DNAH9: variants seen among roughly 807,000 people sequenced by gnomAD.
The protein encoded by DNAH9 is dynein axonemal heavy chain 9, also known as DNAH9 variant protein.
DNAH9 carries 345 observed loss-of-function variants against 471.6 expected under a neutral mutation model. The ratio of observed to expected loss-of-function variants is 0.73; its 90% CI spans 0.67 to 0.80. The LOEUF is 0.80. Among genes scored for constraint, DNAH9 ranks in the 30% least tolerant of loss-of-function variants. The pLI is 0.00. For synonymous variants in DNAH9, 2,093 were observed against 2,123.6 expected, an observed-to-expected ratio of 0.99 and a Z score of 0.40; for missense variants, 5,407 against 5,609.2, an observed-to-expected ratio of 0.96 and a Z score of 1.15.
Position 11,884,922 on chromosome 17 carries a change from GT to G in DNAH9, c.10971+1182del, listed in dbSNP as rs112057545. Reference sequence around the variant, plus strand: ...ATCTCTTCTCCCCACCTCTTCATCTGTTTTTTTTTTATCTTTTTCTTTAAAA... The same window carrying G: ...ATCTCTTCTCCCCACCTCTTCATCTGTTTTTTTTTATCTTTTTCTTTAAAA... On this transcript the variant is annotated intron_variant, in intron 56 of 68. Transcript: ENST00000262442. Among the ~76,000 whole-genome samples, 1,263 of 148,978 alleles carry G rather than the reference GT, an allele frequency of 8.5e-3. 20 individuals are homozygous for G. Among genetic ancestry groups the G allele is most frequent in the African/African-American group, 0.029 (1,180 of 40,688 alleles).
chr17:11,727,738 A>G, intron 27 of DNAH9, 80 bp from the exon 28 acceptor site: 1 of 908,700 alleles, frequency 1.1e-6, no homozygotes, highest in East Asian at 2.5e-5. Context: ...TATCTATAAT[A>G]AAGGGGATGG....
At chr17:11,960,870 A>G (rs1976094399) in intron 67 of DNAH9, among the ~76,000 whole-genome samples, 2 of 152,176 alleles carry the variant, frequency 1.3e-5, no homozygotes, top group Admixed American at 6.5e-5. Context: ...AGGTGAGAAC[A>G]TCTTACATTT....
intron 59 of DNAH9, among the ~76,000 whole-genome samples, chr17:11,900,568 T>G (rs995849273): frequency 6.6e-6 from 1 of 151,522 alleles, no homozygotes; most frequent in Admixed American, 6.6e-5. Flanking sequence ...GAATTCTACA[T>G]ACCTACCAAG....
In DNAH9 at chr17:11,881,628, G is replaced by T. The variant is rs553865125; in HGVS notation, c.10806+215G>T. ...GAACAGAAGCAAAAACAGTTTGAAG[G>T]CCGGGCATGGTGGCTCATGCCTATA... On this transcript the variant is annotated intron_variant, in intron 55 of 68. Transcript: ENST00000262442. Among the ~76,000 whole-genome samples the T allele has an allele frequency of 2.0e-5, 3 of 152,282 alleles. No homozygotes were observed. The East Asian group carries it at 5.8e-4, about 29-fold the overall frequency.
chr17:11,663,982 G>C (rs2073821822), intron 14 of DNAH9, among the ~76,000 whole-genome samples: 1 of 152,174 alleles, frequency 6.6e-6, no homozygotes, highest in African/African-American at 2.4e-5. Context: ...TAAATCCAGG[G>C]AGATTTATAA....
At chr17:11,651,471 A>G in intron 13 of DNAH9, 147 bp downstream of exon 13, 1 of 793,108 alleles carries the variant, frequency 1.3e-6, no homozygotes. Context: ...CCAAGCAGAG[A>G]AGGCAAGAAG....
At position 11,929,846 on chromosome 17, in the gene DNAH9, G is replaced by A. The variant is rs767457926; in HGVS notation, c.11878-20G>A. On this transcript the variant is annotated intron_variant, in intron 62 of 68. Coordinates refer to ENST00000262442, the MANE Select transcript of DNAH9 (RefSeq NM_001372.4). ...TAAGCAGATGCCTGTATTGAGGGGG[G>A]GCTCCTTCCTTCCCACTAGAACATT... is the stretch of plus-strand genomic sequence containing the variant. 4 of 1,601,768 alleles carry A rather than the reference G, an allele frequency of 2.5e-6. No individual in the cohort carries two copies. Among genetic ancestry groups the A allele is most frequent in the Non-Finnish European group, 1.7e-6 (2 of 1,172,844 alleles).
intron 49 of DNAH9, among the ~76,000 whole-genome samples, chr17:11,847,063 G>A (rs1971250968): frequency 6.6e-6 from 1 of 152,030 alleles, no homozygotes; most frequent in African/African-American, 2.4e-5. Context: ...TTAATGAGGT[G>A]GTTTTTTTCT....
intron 30 of DNAH9, among the ~76,000 whole-genome samples, chr17:11,742,838 G>A (rs945567392): frequency 6.6e-6 from 1 of 152,146 alleles, no homozygotes; most frequent in African/African-American, 2.4e-5. Context: ...AGCTTCCCTG[G>A]GCTGTCCCCA....
intron 43 of DNAH9, among the ~76,000 whole-genome samples, chr17:11,802,549 T>C (rs1375210684): frequency 6.6e-6 from 1 of 151,740 alleles, no homozygotes; most frequent in Non-Finnish European, 1.5e-5. Context: ...GGAGAATCAC[T>C]TGAACCCAGG....
At chr17:11,814,604 G>A (rs1329794409) in intron 45 of DNAH9, among the ~76,000 whole-genome samples, 1 of 152,202 alleles carries the variant, frequency 6.6e-6, no homozygotes, top group Non-Finnish European at 1.5e-5. Flanking sequence ...TGAATAACAT[G>A]TAACCTCTGT....
rs900938538 is a variant in DNAH9, at chr17:11,599,065, G to A, written c.417+150G>A. 2.9e-5 allele frequency: 19 copies of A among 662,876 alleles called. 1 individual carries two copies. In the Admixed American group the frequency reaches 3.6e-4, roughly 12 times the overall value. 41.1% of individuals were successfully genotyped at this position (662,876 alleles called of 1,614,324 possible). A position where few individuals can be genotyped will look rare whatever the true frequency, so the allele number is the denominator to read the frequency against. On this transcript the variant is annotated intron_variant, in intron 1 of 68. Transcript: ENST00000262442. ...GTGATAGGCAGAGGGGCGAGGCTGT[G>A]GAGGGAGCACAACCAGGAGGGAAGT...
At chr17:11,712,815 G>A (rs1384750475) in intron 26 of DNAH9, among the ~76,000 whole-genome samples, 1 of 150,542 alleles carries the variant, frequency 6.6e-6, no homozygotes, top group Admixed American at 6.6e-5. Context: ...TGGATATGTT[G>A]CAAATGTGTT....
chr17:11,697,809 A>G (rs1017908657), intron 22 of DNAH9, among the ~76,000 whole-genome samples: 7 of 151,994 alleles, frequency 4.6e-5, no homozygotes, highest in African/African-American at 1.7e-4. Flanking sequence ...TCTGCACTTT[A>G]GTGTTGCTAA....
At chr17:11,603,938 T>G (rs1454111515) in intron 1 of DNAH9, among the ~76,000 whole-genome samples, 1 of 152,116 alleles carries the variant, frequency 6.6e-6, no homozygotes, top group Admixed American at 6.5e-5. Context: ...GGAAACGCTT[T>G]CTTCTTTGGG....
Position 11,704,269 on chromosome 17 carries a change from G to A in DNAH9, c.5218G>A (p.Glu1740Lys), listed in dbSNP as rs2074657550. 6.2e-7 allele frequency: 1 copy of A among 1,614,038 alleles called. No homozygotes were observed. The highest frequency in any genetic ancestry group is 8.5e-7 in the Non-Finnish European group (1 of 1,180,014). The change falls in exon 25 of 69, where the codon GAA (glutamate) becomes AAA (lysine). Residue 1740 changes from glutamate (E) to lysine (K), a missense_variant. Glu to Lys is a moderately conservative substitution (Grantham distance 56). Transcript: ENST00000262442. ...GGGCATGGCATTTGCCAGGCTGGAGGAAGGCTATGAGAGTGCCATGAAGGA... is the reference window on the plus strand; with the variant it reads ...GGGCATGGCATTTGCCAGGCTGGAGAAAGGCTATGAGAGTGCCATGAAGGA... ...EVGMAFARLE[E>K]GYESAMKDYY...
intron 14 of DNAH9, among the ~76,000 whole-genome samples, chr17:11,663,431 C>G (rs557505395): frequency 6.6e-6 from 1 of 152,284 alleles, no homozygotes; most frequent in East Asian, 1.9e-4. Context: ...GGTAGAAAGC[C>G]AGGTGGTGGT....
intron 4 of DNAH9, among the ~76,000 whole-genome samples, chr17:11,614,632 A>G (rs984636215): frequency 1.3e-5 from 2 of 152,238 alleles, no homozygotes; most frequent in African/African-American, 4.8e-5. Flanking sequence ...TTTATTTCTC[A>G]TAGTTCTTGA....
rs61747389 is a variant in DNAH9 at position 11,694,402 on chromosome 17, C to G, written c.4827C>G (p.Ser1609=). Residue 1609 remains serine, a synonymous_variant, in exon 22 of 69, where the codon TCC becomes TCG. Transcript: ENST00000262442. The part of the protein sequence containing the change: ...LAFPRFYFLS[S]SDLLDILSNG... ...TCCCGCGGTTTTACTTTCTCTCCTC[C>G]TCCGATCTGTTAGACATCCTTTCCA... 4.2e-3 allele frequency: 6,782 copies of G among 1,613,398 alleles called. 257 individuals are homozygous for G. In the African/African-American group the frequency reaches 0.077, roughly 18 times the overall value.
Sources: gnomAD v4.1 joint callset for allele counts (sites outside exome capture counted in the v4.1 genomes callset) on GRCh38, gnomAD v4.1.1 for gene constraint, MANE v1.5 for transcripts, NCBI Gene and HGNC (gene_info 2026-07-23, HGNC 2026-07-21) for gene names.